RBFOX1: variants seen among roughly 807,000 people sequenced by gnomAD.
RBFOX1 encodes the protein RNA binding fox-1 homolog 1, also known as RNA binding protein fox-1 homolog 1.
A neutral mutation model predicts 57.7 loss-of-function variants in RBFOX1; 8 were observed. The observed-to-expected ratio is 0.14, with a 90% CI of 0.08 to 0.25. The LOEUF is 0.25. Ranked by LOEUF, RBFOX1 falls within the 10% of genes least tolerant of loss-of-function variation. The pLI, the probability that RBFOX1 is intolerant of heterozygous loss-of-function variation, is 1.00. For synonymous variants in RBFOX1, 326 were observed against 222.4 expected, an observed-to-expected ratio of 1.47 and a Z score of -4.15; for missense variants, 611 against 548.5, an observed-to-expected ratio of 1.11 and a Z score of -1.14.
chr16:6,955,829 C>T (rs901851237), intron 3 of RBFOX1, among the ~76,000 whole-genome samples: 5 of 152,068 alleles, frequency 3.3e-5, no homozygotes, highest in African/African-American at 4.8e-5. Flanking sequence ...CCTCAGCCTC[C>T]TGAGTTGCTG....
chr16:7,427,329 G>A (rs994646491), intron 4 of RBFOX1, among the ~76,000 whole-genome samples: 3 of 152,188 alleles, frequency 2.0e-5, no homozygotes, highest in Non-Finnish European at 4.4e-5. Flanking sequence ...ACGGGGCCAA[G>A]TAATTTGCAT....
intron 1 of RBFOX1, among the ~76,000 whole-genome samples, chr16:5,358,208 A>G (rs1006304082): frequency 6.6e-6 from 1 of 151,932 alleles, no homozygotes; most frequent in Non-Finnish European, 1.5e-5. Flanking sequence ...CTCTACCTTC[A>G]CATTAGCTAG....
chr16:6,313,533 A>C (rs922132331), intron 1 of RBFOX1, among the ~76,000 whole-genome samples: 1 of 152,198 alleles, frequency 6.6e-6, no homozygotes, highest in Non-Finnish European at 1.5e-5. Context: ...TGGCTGTCCA[A>C]GGGTCATCAA....
intron 3 of RBFOX1, among the ~76,000 whole-genome samples, chr16:6,733,644 G>C (rs970760782): frequency 2.6e-5 from 4 of 152,140 alleles, no homozygotes; most frequent in Non-Finnish European, 4.4e-5. Flanking sequence ...TGTAGTCCCA[G>C]CTACTCAGGA....
At chr16:7,043,700 A>G (rs1235103604) in intron 3 of RBFOX1, among the ~76,000 whole-genome samples, 3 of 152,230 alleles carry the variant, frequency 2.0e-5, no homozygotes, top group African/African-American at 7.2e-5. Flanking sequence ...ACATGAAAAC[A>G]TGAACATCTA....
chr16:6,564,646 G>T (rs569663704), intron 2 of RBFOX1, among the ~76,000 whole-genome samples: 1 of 152,150 alleles, frequency 6.6e-6, no homozygotes, highest in South Asian at 2.1e-4. Flanking sequence ...GTTTGGGGGT[G>T]GGGGAAATGG....
At chr16:6,684,845 C>G (rs897983147) in intron 3 of RBFOX1, among the ~76,000 whole-genome samples, 2 of 152,144 alleles carry the variant, frequency 1.3e-5, no homozygotes, top group Non-Finnish European at 2.9e-5. Context: ...TTACCTTTGT[C>G]TTTAGAGTGA....
intron 4 of RBFOX1, among the ~76,000 whole-genome samples, chr16:7,460,933 T>C (rs956091536): frequency 2.0e-5 from 3 of 152,180 alleles, no homozygotes; most frequent in Non-Finnish European, 4.4e-5. Context: ...GGACCACATT[T>C]TGAGACCCAT....
chr16:5,774,734 G>T (rs73527883), intron 3 of RBFOX1, among the ~76,000 whole-genome samples: 3,725 of 152,222 alleles, frequency 0.024, 151 homozygotes, highest in African/African-American at 0.085. Context: ...CCAGACTAGA[G>T]TGCAGTGGCG....
chr16:6,832,841 A>G (rs568087377), intron 3 of RBFOX1, among the ~76,000 whole-genome samples: 1 of 152,320 alleles, frequency 6.6e-6, no homozygotes, highest in South Asian at 2.1e-4. Flanking sequence ...ATAGTTAAGA[A>G]TCCCAACTAC....
chr16:7,554,141 C>G (rs995646393), intron 5 of RBFOX1, among the ~76,000 whole-genome samples: 1 of 152,176 alleles, frequency 6.6e-6, no homozygotes, highest in Non-Finnish European at 1.5e-5. Context: ...ATCCTATTCT[C>G]TCAGAGCCCA....
intron 3 of RBFOX1, among the ~76,000 whole-genome samples, chr16:5,809,727 G>A (rs2055354074): frequency 6.6e-6 from 1 of 152,140 alleles, no homozygotes; most frequent in Admixed American, 6.5e-5. Flanking sequence ...ACTGTTGGTG[G>A]GACAGTAAAC....
intron 3 of RBFOX1, among the ~76,000 whole-genome samples, chr16:5,620,996 A>T (rs1230582365): frequency 6.6e-6 from 1 of 151,892 alleles, no homozygotes; most frequent in African/African-American, 2.4e-5. Context: ...GCTCGCCACC[A>T]CGCCCAGCTA....
intron 3 of RBFOX1, among the ~76,000 whole-genome samples, chr16:5,843,115 C>G (rs1270038920): frequency 2.0e-5 from 3 of 152,222 alleles, no homozygotes; most frequent in Non-Finnish European, 4.4e-5. Context: ...GCGTGAGCCA[C>G]CACGCCAGGC....
Position 7,459,499 on chromosome 16 carries a change from C to T in RBFOX1, c.28-58648C>T, listed in dbSNP as rs145970682. 8.5e-5 allele frequency among the ~76,000 whole-genome samples: 13 copies of T among 152,276 alleles called. No homozygotes were observed. In the East Asian group the frequency reaches 2.1e-3, roughly 25 times the overall value. ...AAAAACAAAGCCACAGATTATTGTACATTTCCTGTTGCCAGATTAAAGCCT... is the reference window on the plus strand; with the variant it reads ...AAAAACAAAGCCACAGATTATTGTATATTTCCTGTTGCCAGATTAAAGCCT... On this transcript the variant is annotated intron_variant, in intron 4 of 15. Coordinates refer to ENST00000550418, the MANE Select transcript of RBFOX1 (RefSeq NM_018723.4).
intron 2 of RBFOX1, among the ~76,000 whole-genome samples, chr16:6,565,449 G>T (rs1461953783): frequency 6.6e-6 from 1 of 151,572 alleles, no homozygotes; most frequent in Non-Finnish European, 1.5e-5. Flanking sequence ...AGTAGAGATG[G>T]GGTTTCACCA....
chr16:5,483,455 C>T (rs1290399082), intron 2 of RBFOX1, among the ~76,000 whole-genome samples: 2 of 152,162 alleles, frequency 1.3e-5, no homozygotes, highest in Non-Finnish European at 2.9e-5. Flanking sequence ...CTGGTGTTGC[C>T]TTGGAATTCT....
At chr16:6,997,883 A>G (rs1039940977) in intron 3 of RBFOX1, among the ~76,000 whole-genome samples, 4 of 152,130 alleles carry the variant, frequency 2.6e-5, no homozygotes, top group Admixed American at 2.6e-4. Context: ...TAATTGTCTG[A>G]AGGTTGTGCA....
intron 4 of RBFOX1, among the ~76,000 whole-genome samples, chr16:5,960,959 G>T (rs1237749189): frequency 6.6e-6 from 1 of 152,064 alleles, no homozygotes; most frequent in Non-Finnish European, 1.5e-5. Flanking sequence ...TCCCAAGATG[G>T]CCAGAAGACA....
Sources: gnomAD v4.1 joint callset for allele counts (sites outside exome capture counted in the v4.1 genomes callset) on GRCh38, gnomAD v4.1.1 for gene constraint, MANE v1.5 for transcripts, NCBI Gene and HGNC (gene_info 2026-07-23, HGNC 2026-07-21) for gene names.